The following LAMB3 variants were observed in gnomAD, a reference collection of about 807,000 sequenced individuals.
LAMB3 encodes the protein laminin subunit beta 3, also known as laminin subunit beta-3.
In LAMB3, 104 loss-of-function variants were observed where a neutral mutation model predicts 140.3. The ratio of observed to expected loss-of-function variants is 0.74; its 90% CI spans 0.63 to 0.87. LAMB3 has a LOEUF of 0.87. Among genes scored for constraint, LAMB3 ranks in the 40% least tolerant of loss-of-function variants. The probability of loss-of-function intolerance (pLI) is 0.00; values close to 1 mark genes in which losing one functional copy is unlikely to be tolerated. For missense variants in LAMB3, 1,531 were observed against 1,575.2 expected (o/e 0.97, Z 0.47); for synonymous variants, 592 against 602.9 (o/e 0.98, Z 0.26).
chr1:209,640,301 G>A (rs193255370), intron 3 of LAMB3, among the ~76,000 whole-genome samples: 3 of 152,318 alleles, frequency 2.0e-5, no homozygotes, highest in Admixed American at 1.3e-4. Flanking sequence ...TGTAATCCCA[G>A]CACTTTAGGA....
At chr1:209,617,647 C>T (rs1558147172) in intron 20 of LAMB3, 61 bp from the exon 21 acceptor site, 5 of 1,589,208 alleles carry the variant, frequency 3.1e-6, no homozygotes, top group Admixed American at 3.4e-5. Flanking sequence ...GGGGTTCATC[C>T]CCATTTTTTC....
chr1:209,623,194 C>A lies in LAMB3; in HGVS notation c.2359-15G>T, dbSNP rs147708427. 6.2e-7 allele frequency: 1 copy of A among 1,613,758 alleles called. No homozygotes were observed. Among genetic ancestry groups the A allele is most frequent in the East Asian group, 2.2e-5 (1 of 44,894 alleles). The stretch of plus-strand genomic sequence containing the variant: ...TTGCCACAGAGCTGTGGACAGATGG[C>A]GGTGTTAAAGAGGCTACCCAAAGCC... On this transcript the variant is annotated splice_polypyrimidine_tract_variant and intron_variant, in intron 16 of 22. Transcript: ENST00000356082. This position sits in a 1 kb window ranked among gnomAD's most constrained non-coding sequence, Gnocchi z 4.2.
rs1487033447 is a variant in LAMB3, at chr1:209,650,107, G to C, written c.40C>G (p.Leu14Val). ...FFLLCFALPG[L>V]LHAQQACSRG... ...GAGCAGGCTTGTTGGGCATGCAGGAGGCCAGGCAGGGCTGAAATCACAGGG... is the reference window on the plus strand; with the variant it reads ...GAGCAGGCTTGTTGGGCATGCAGGACGCCAGGCAGGGCTGAAATCACAGGG... The change falls in exon 3 of 23, where the codon CTC becomes GTC. Residue 14 changes from leucine (L) to valine (V), a missense_variant. Leu to Val is a conservative substitution (Grantham distance 32, BLOSUM62 1). Transcript: ENST00000356082. 6.2e-7 allele frequency: 1 copy of C among 1,613,388 alleles called. No homozygotes were observed. Among genetic ancestry groups the C allele is most frequent in the African/African-American group, 1.3e-5 (1 of 75,016 alleles).
Position 209,623,662 on chromosome 1 carries a change from T to A in LAMB3, c.2201A>T (p.Asp734Val). 1 of 1,614,202 alleles carries A rather than the reference T, an allele frequency of 6.2e-7. No homozygotes were observed. The highest frequency in any genetic ancestry group is 1.1e-5 in the South Asian group (1 of 91,086). Reference sequence around the variant, plus strand: ...GAGCTGGTCCAAAAGGCGCGAGCTGTCGGAGACCTGCTGAGCAGCCTGGGC... The same window carrying A: ...GAGCTGGTCCAAAAGGCGCGAGCTGACGGAGACCTGCTGAGCAGCCTGGGC... ...QSAQAAQQVS[D>V]SSRLLDQLRD... The change falls in exon 16 of 23, where the codon GAC becomes GTC. Residue 734 changes from aspartate (D) to valine (V), a missense_variant. By Grantham distance (152) the Asp-to-Val change is radical. Coordinates refer to ENST00000356082, the MANE Select transcript of LAMB3 (RefSeq NM_000228.3). This position sits in a 1 kb window ranked among gnomAD's most constrained non-coding sequence, Gnocchi z 4.2.
Position 209,633,105 on chromosome 1 carries a change from G to C in LAMB3, c.593C>G (p.Ser198Cys). Reference sequence around the variant, plus strand: ...TTGACTTTGAGTTGCTGGAATCCCAGACACTAAATCCATAAGGTTAAGTTG... The same window carrying C: ...TTGACTTTGAGTTGCTGGAATCCCACACACTAAATCCATAAGGTTAAGTTG... Reference protein sequence around the residue: ...KVQLNLMDLVSGIPATQSQKI... With the variant: ...KVQLNLMDLVCGIPATQSQKI... Residue 198 changes from serine (S) to cysteine (C), a missense_variant, in exon 7 of 23, where the codon TCT becomes TGT. Physicochemically the swap from Ser to Cys is moderately radical, Grantham distance 112. Transcript: ENST00000356082. 2 of 1,612,838 alleles carry C rather than the reference G, an allele frequency of 1.2e-6. No individual in the cohort carries two copies. Among genetic ancestry groups the C allele is most frequent in the Non-Finnish European group, 1.7e-6 (2 of 1,178,836 alleles).
chr1:209,641,858 T>C (rs2076471654), intron 3 of LAMB3, among the ~76,000 whole-genome samples: 4 of 152,214 alleles, frequency 2.6e-5, no homozygotes, highest in Admixed American at 2.6e-4. Flanking sequence ...CCCTTCTTTA[T>C]ACTCTTCCCA....
rs1267114158 is a variant in LAMB3 at position 209,634,453 on chromosome 1, C to T, written c.558G>A (p.Gly186=). ...LPQRPNARLN[G]GKVQLNLMDL... ...CAGGATTCCCTCTACCTACCTTCCCCCCATTTAGGCGTGCATTAGGCCTCT... is the reference window on the plus strand; with the variant it reads ...CAGGATTCCCTCTACCTACCTTCCCTCCATTTAGGCGTGCATTAGGCCTCT... The change falls in exon 6 of 23, where the codon GGG becomes GGA. Residue 186 remains glycine (G), a synonymous_variant. Coordinates refer to ENST00000356082, the MANE Select transcript of LAMB3 (RefSeq NM_000228.3). The T allele has an allele frequency of 1.2e-5, 20 of 1,613,938 alleles. No homozygotes were observed. The highest frequency in any genetic ancestry group is 4.0e-5 in the African/African-American group (3 of 74,890).
intron 19 of LAMB3, 32 bp from the exon 20 acceptor site, chr1:209,618,080 A>G: frequency 6.2e-7 from 1 of 1,613,668 alleles, no homozygotes; most frequent in Non-Finnish European, 8.5e-7. Context: ...GAGAGGAGAG[A>G]GAGAATGAGT....
At chr1:209,626,676 G>C (rs759554125) in intron 13 of LAMB3, among the ~76,000 whole-genome samples, 191 bp downstream of exon 13, 1 of 152,252 alleles carries the variant, frequency 6.6e-6, no homozygotes, top group African/African-American at 2.4e-5. Context: ...AGCGGGCATA[G>C]GCCTGCCTCA....
At chr1:209,618,285 G>A (rs545734595) in intron 19 of LAMB3, among the ~76,000 whole-genome samples, 167 bp downstream of exon 19, 136 of 152,340 alleles carry the variant, frequency 8.9e-4, no homozygotes, top group Non-Finnish European at 1.0e-4. Context: ...ACACAGTCAT[G>A]CAAATTAAGT....
chr1:209,632,838 A>T, intron 7 of LAMB3, 62 bp from the exon 8 acceptor site: 1 of 1,488,528 alleles, frequency 6.7e-7, no homozygotes, highest in Non-Finnish European at 9.4e-7. Flanking sequence ...AAAGGAAGTT[A>T]GAGGCACATA....
At position 209,634,473 on chromosome 1, in the gene LAMB3, GC is replaced by G; in HGVS notation, c.537del (p.Arg179SerfsTer6). The G allele has an allele frequency of 6.2e-7, 1 of 1,614,114 alleles. No homozygotes were observed. The highest frequency in any genetic ancestry group is 8.5e-7 in the Non-Finnish European group (1 of 1,180,036). On this transcript the variant is annotated frameshift_variant, in exon 6 of 23. Transcript: ENST00000356082. LOFTEE classifies it high-confidence loss of function. ...QDVRCQSLPQRPNARLNGGKV... is the reference protein window; with the variant it reads ...QDVRCQSLPQXPNARLNGGKV... ...TTCCCCCCATTTAGGCGTGCATTAG[GC>G]CTCTGAGGCAGGGACTGGCACCGAA...
At chr1:209,631,930 C>T (rs1358436211) in intron 8 of LAMB3, among the ~76,000 whole-genome samples, 1 of 152,202 alleles carries the variant, frequency 6.6e-6, no homozygotes. Context: ...ACAGCTGTCA[C>T]GCTCCCATGT....
intron 1 of LAMB3, chr1:209,651,225 G>C: frequency 2.0e-6 from 1 of 504,476 alleles, no homozygotes; most frequent in Non-Finnish European, 3.6e-6. Context: ...CCAGACTCCA[G>C]CTTCCTCCTC....
chr1:209,620,621 C>T (rs1265325042), intron 18 of LAMB3, among the ~76,000 whole-genome samples: 1 of 152,228 alleles, frequency 6.6e-6, no homozygotes, highest in Non-Finnish European at 1.5e-5. Context: ...CCTACCTGCA[C>T]CACTGCCAAG....
At chr1:209,631,662 G>T (rs1237648022) in intron 8 of LAMB3, among the ~76,000 whole-genome samples, 2 of 152,204 alleles carry the variant, frequency 1.3e-5, no homozygotes, top group African/African-American at 4.8e-5. Flanking sequence ...CACCAGGGCT[G>T]GGTGGCTCCC....
At chr1:209,624,645 T>C (rs1265350376) in intron 14 of LAMB3, among the ~76,000 whole-genome samples, 1 of 152,220 alleles carries the variant, frequency 6.6e-6, no homozygotes, top group African/African-American at 2.4e-5. Flanking sequence ...CTACTGAATC[T>C]GGTGGACTGA....
intron 4 of LAMB3, 54 bp downstream of exon 4, chr1:209,638,480 T>C (rs1319535725): frequency 5.9e-6 from 7 of 1,187,606 alleles, no homozygotes; most frequent in Non-Finnish European, 8.8e-6. Context: ...CTTCCATCCG[T>C]CTTATCCTGT....
intron 3 of LAMB3, among the ~76,000 whole-genome samples, chr1:209,645,438 CG>C (rs1390067837): frequency 2.0e-5 from 3 of 151,918 alleles, no homozygotes; most frequent in Non-Finnish European, 4.4e-5. Context: ...TATTTTGGGC[CG>C]GGGGGAGTGG....
Sources: allele counts gnomAD v4.1 joint callset (sites outside exome capture counted in the v4.1 genomes callset), GRCh38; gene constraint gnomAD v4.1.1; non-coding constraint Gnocchi (gnomAD v3.1); transcripts MANE v1.5; gene names NCBI Gene and HGNC (gene_info 2026-07-23, HGNC 2026-07-21).